Variants in MDFIC observed in about 807,000 individuals in gnomAD.
The protein encoded by MDFIC is MyoD family inhibitor domain containing, also known as myoD family inhibitor domain-containing protein.
Under a neutral mutation model 23.2 loss-of-function variants are expected in MDFIC, and 17 were observed. The ratio of observed to expected loss-of-function variants is 0.73; its 90% CI spans 0.50 to 1.10. MDFIC has a LOEUF of 1.10. MDFIC is among the 50% of genes least tolerant of loss of function. The probability of loss-of-function intolerance (pLI) is 0.00; values close to 1 mark genes in which losing one functional copy is unlikely to be tolerated. For synonymous variants in MDFIC, 120 were observed against 115.2 expected (o/e 1.04, Z -0.27); for missense variants, 356 against 316.6 (o/e 1.12, Z -0.95).
chr7:114,989,784 T>TAA (rs774401349), intron 4 of MDFIC, among the ~76,000 whole-genome samples: 2 of 152,186 alleles, frequency 1.3e-5, no homozygotes, highest in African/African-American at 4.8e-5. Flanking sequence ...CTTTGGTGAC[T>TAA]AAAAAGCCTT....
chr7:115,012,842 G>A (rs1007190469), intron 4 of MDFIC, among the ~76,000 whole-genome samples: 3 of 152,050 alleles, frequency 2.0e-5, no homozygotes, highest in African/African-American at 7.2e-5. Context: ...AACCAGGCAT[G>A]GTGGCCGGCA....
Position 114,942,321 on chromosome 7 carries a change from C to A in MDFIC, c.141C>A (p.Thr47=). 2 of 1,594,510 alleles carry A rather than the reference C, an allele frequency of 1.3e-6. No individual in the cohort carries two copies. Among genetic ancestry groups the A allele is most frequent in the South Asian group, 1.1e-5 (1 of 89,556 alleles). ...DNTEKDITQA[T]NSHFTHGEMQ... ...CTGAGAAAGATATAACTCAAGCTAC[C>A]AATAGCCACTTCACACATGGAGAGA... is the stretch of plus-strand genomic sequence containing the variant. Residue 47 remains threonine, a synonymous_variant, in exon 3 of 5, where the codon ACC becomes ACA. Transcript: ENST00000393486.
At chr7:114,938,571 C>G (rs1235952961) in intron 2 of MDFIC, among the ~76,000 whole-genome samples, 1 of 152,120 alleles carries the variant, frequency 6.6e-6, no homozygotes, top group Non-Finnish European at 1.5e-5. Context: ...CTTTATGTTT[C>G]AAGAGCTGCA....
intron 2 of MDFIC, among the ~76,000 whole-genome samples, chr7:114,929,084 G>GATTTATCTATCTATCTATCTATCTATCT (rs1563134624): frequency 6.8e-6 from 1 of 147,960 alleles, no homozygotes; most frequent in Non-Finnish European, 1.5e-5. Context: ...GATAAATATA[G>GATTTATCTATCTATCTATCTATCTATCT]ATCTATCTAT....
At chr7:114,945,862 G>T (rs538082031) in intron 3 of MDFIC, among the ~76,000 whole-genome samples, 22 of 151,866 alleles carry the variant, frequency 1.4e-4, no homozygotes, top group African/African-American at 5.3e-4. Flanking sequence ...ATTTCAAAAG[G>T]CTTTTATACT....
At chr7:114,985,778 TA>T (rs1397850132) in intron 4 of MDFIC, among the ~76,000 whole-genome samples, 1 of 151,084 alleles carries the variant, frequency 6.6e-6, no homozygotes, top group South Asian at 2.1e-4. Context: ...ACTAGATGAG[TA>T]GGAATGAACC....
chr7:114,922,355 AG>A lies in MDFIC; in HGVS notation c.-384del. The A allele has an allele frequency of 8.4e-7, 1 of 1,190,140 alleles. No individual in the cohort carries two copies. Among genetic ancestry groups the A allele is most frequent in the Non-Finnish European group, 1.1e-6 (1 of 949,090 alleles). The allele number at this position is 1,190,140 out of a possible 1,614,324, so 73.7% of individuals were successfully genotyped here. A position where few individuals can be genotyped will look rare whatever the true frequency, so the allele number is the denominator to read the frequency against. ...TGGAAGAGGGGAAAGAGAGGCAGAG[AG>A]GGGGAAGGCCCCCTCGCAGGGGAGC... On this transcript the variant is annotated 5_prime_UTR_variant, in exon 1 of 5. Transcript: ENST00000393486.
intron 3 of MDFIC, among the ~76,000 whole-genome samples, chr7:114,947,662 G>C (rs1219482898): frequency 6.6e-6 from 1 of 152,138 alleles, no homozygotes; most frequent in Non-Finnish European, 1.5e-5. Flanking sequence ...AGCATTTAAT[G>C]TTCTGGGGCT....
At chr7:114,986,064 C>G (rs370682646) in intron 4 of MDFIC, among the ~76,000 whole-genome samples, 3 of 141,236 alleles carry the variant, frequency 2.1e-5, no homozygotes, top group Non-Finnish European at 4.6e-5. Context: ...TAATAATGAA[C>G]GGTTATCGAA....
intron 3 of MDFIC, among the ~76,000 whole-genome samples, chr7:114,968,010 T>G (rs1296416441): frequency 6.6e-6 from 1 of 151,888 alleles, no homozygotes; most frequent in Non-Finnish European, 1.5e-5. Context: ...AAAGACAGGG[T>G]CTCACTATGT....
intron 4 of MDFIC, among the ~76,000 whole-genome samples, chr7:115,007,621 C>CAT (rs1554353312): frequency 5.4e-5 from 4 of 74,746 alleles, no homozygotes; most frequent in Admixed American, 1.9e-4. Flanking sequence ...ATCTAGTGTG[C>CAT]GTGTGTGTGT....
In MDFIC at chr7:115,015,858, A is replaced by G. The variant is rs764625231; in HGVS notation, c.664A>G (p.Ile222Val). 2 of 1,614,230 alleles carry G rather than the reference A, an allele frequency of 1.2e-6. No homozygotes were observed. The highest frequency in any genetic ancestry group is 2.2e-5 in the East Asian group (1 of 44,886). ...CNCPCDMDCG[I>V]MDACCESSDC... ...CTGCCCTTGTGATATGGACTGTGGCATCATGGATGCCTGTTGTGAATCATC... is the reference window on the plus strand; with the variant it reads ...CTGCCCTTGTGATATGGACTGTGGCGTCATGGATGCCTGTTGTGAATCATC... The change falls in exon 5 of 5, where the codon ATC becomes GTC. Residue 222 changes from isoleucine (I) to valine (V), a missense_variant. Physicochemically the swap from Ile to Val is conservative, Grantham distance 29 (BLOSUM62 3). Coordinates refer to ENST00000393486, the MANE Select transcript of MDFIC (RefSeq NM_001166345.3).
intron 3 of MDFIC, among the ~76,000 whole-genome samples, chr7:114,965,122 T>C (rs1312506803): frequency 1.3e-5 from 2 of 152,002 alleles, no homozygotes; most frequent in African/African-American, 4.8e-5. Flanking sequence ...CACCTAGGTG[T>C]TGATGTAAGA....
At chr7:114,984,884 T>C (rs189779163) in intron 4 of MDFIC, among the ~76,000 whole-genome samples, 295 of 152,328 alleles carry the variant, frequency 1.9e-3, no homozygotes, top group Admixed American at 4.4e-3. Flanking sequence ...AATTTTTGCA[T>C]TAATTTACAC....
At chr7:114,942,952 T>C (rs1792574219) in intron 3 of MDFIC, among the ~76,000 whole-genome samples, 3 of 152,314 alleles carry the variant, frequency 2.0e-5, no homozygotes, top group East Asian at 1.9e-4. Context: ...TGAGTCCATG[T>C]GGGGTTCTGC....
intron 3 of MDFIC, among the ~76,000 whole-genome samples, chr7:114,946,233 T>A (rs140285083): frequency 6.6e-6 from 1 of 150,398 alleles, no homozygotes; most frequent in East Asian, 1.9e-4. Flanking sequence ...AGAGTGTGTG[T>A]GTGTGTGTGT....
At position 115,006,440 on chromosome 7, in the gene MDFIC, CTCA is replaced by C. The variant is rs564475573; in HGVS notation, c.494-9224_494-9222del. ...TGGATGTGACCAAGGTGTTATTTTA[CTCA>C]TCATCATCATCATCATCATCATCTT... is the stretch of plus-strand genomic sequence containing the variant. On this transcript the variant is annotated intron_variant, in intron 4 of 4. Transcript: ENST00000393486. 6.3e-4 allele frequency among the ~76,000 whole-genome samples: 96 copies of C among 152,032 alleles called. 2 individuals carry two copies. In the South Asian group the frequency reaches 6.6e-3, roughly 11 times the overall value.
intron 2 of MDFIC, among the ~76,000 whole-genome samples, chr7:114,925,746 C>A (rs1239452599): frequency 6.6e-6 from 1 of 152,124 alleles, no homozygotes; most frequent in African/African-American, 2.4e-5. Flanking sequence ...TCAAGTGATA[C>A]TGGAAATCCA....
intron 3 of MDFIC, among the ~76,000 whole-genome samples, chr7:114,957,888 C>T (rs988151087): frequency 6.6e-6 from 1 of 152,080 alleles, no homozygotes; most frequent in African/African-American, 2.4e-5. Context: ...CCATTATGGT[C>T]AATAAGCCAA....
Sources: gnomAD v4.1 joint callset for allele counts (sites outside exome capture counted in the v4.1 genomes callset) on GRCh38, gnomAD v4.1.1 for gene constraint, MANE v1.5 for transcripts, NCBI Gene and HGNC (gene_info 2026-07-23, HGNC 2026-07-21) for gene names.